Variants in EHBP1 observed in about 807,000 individuals in gnomAD.
EHBP1 encodes the protein EH domain-binding protein 1.
EHBP1 carries 55 observed loss-of-function variants against 144.0 expected under a neutral mutation model. The ratio of observed to expected loss-of-function variants is 0.38; its 90% CI spans 0.31 to 0.48. The LOEUF is 0.48. Among genes scored for constraint, EHBP1 ranks in the 20% least tolerant of loss-of-function variants. The pLI, the probability that EHBP1 is intolerant of heterozygous loss-of-function variation, is 0.98. For missense variants in EHBP1, 1,200 were observed against 1,364.2 expected (o/e 0.88, Z 1.90); for synonymous variants, 469 against 472.7 (o/e 0.99, Z 0.10).
intron 21 of EHBP1, among the ~76,000 whole-genome samples, chr2:63,041,603 TC>T (rs930745956): frequency 2.0e-4 from 31 of 152,316 alleles, no homozygotes; most frequent in Non-Finnish European, 4.3e-4. Context: ...GAGGAGCTTA[TC>T]CCCTAAAACC....
intron 9 of EHBP1, among the ~76,000 whole-genome samples, chr2:62,867,151 T>C (rs1351565657): frequency 6.6e-6 from 1 of 152,146 alleles, no homozygotes; most frequent in Non-Finnish European, 1.5e-5. Flanking sequence ...AAAATCTCTC[T>C]GGTAGATAAT....
upstream of EHBP1, among the ~76,000 whole-genome samples, chr2:62,704,870 C>T (rs2034405149): frequency 6.6e-6 from 1 of 152,212 alleles, no homozygotes; most frequent in African/African-American, 2.4e-5. Flanking sequence ...CCTGCCCTCA[C>T]TCTGCCTCCT....
chr2:62,741,519 A>G (rs2038706006), intron 2 of EHBP1, among the ~76,000 whole-genome samples: 1 of 152,126 alleles, frequency 6.6e-6, no homozygotes, highest in Non-Finnish European at 1.5e-5. Context: ...TTGCTTTTAA[A>G]CTACCAAATA....
At chr2:62,796,217 T>C (rs1280816254) in intron 5 of EHBP1, among the ~76,000 whole-genome samples, 8 of 152,084 alleles carry the variant, frequency 5.3e-5, no homozygotes, top group Non-Finnish European at 1.5e-5. Flanking sequence ...TTCAGTCCTT[T>C]TTACAGAGCT....
At chr2:63,043,813 G>C (rs2061783809) in intron 21 of EHBP1, 1 of 151,174 alleles carries the variant, frequency 6.6e-6, no homozygotes. Context: ...TGATTGCCCA[G>C]GGCAATGGAG....
chr2:62,865,932 A>G (rs1178703580), intron 9 of EHBP1, among the ~76,000 whole-genome samples: 1 of 152,094 alleles, frequency 6.6e-6, no homozygotes, highest in Non-Finnish European at 1.5e-5. Context: ...GAGGAGCACT[A>G]CTCTGTGAGA....
intron 10 of EHBP1, among the ~76,000 whole-genome samples, chr2:62,938,842 CTT>C (rs1299018141): frequency 6.6e-6 from 1 of 151,890 alleles, no homozygotes; most frequent in African/African-American, 2.4e-5. Flanking sequence ...AAGGAAAAAA[CTT>C]TTTATGATCT....
chr2:62,897,514 G>A (rs2053036107), intron 10 of EHBP1, among the ~76,000 whole-genome samples: 2 of 152,134 alleles, frequency 1.3e-5, no homozygotes, highest in South Asian at 4.1e-4. Flanking sequence ...GCCTTCCAAA[G>A]GGGTTGTACC....
At chr2:63,008,547 G>A (rs2060136361) in intron 19 of EHBP1, among the ~76,000 whole-genome samples, 1 of 149,846 alleles carries the variant, frequency 6.7e-6, no homozygotes, top group Admixed American at 6.7e-5. Context: ...AACTTTTAGT[G>A]ATATATAAAT....
chr2:62,736,235 T>C (rs1484632389), intron 2 of EHBP1, among the ~76,000 whole-genome samples: 9 of 147,012 alleles, frequency 6.1e-5, no homozygotes, highest in Non-Finnish European at 1.4e-4. Flanking sequence ...TTTTTTTTTT[T>C]TTTTTTTTTG....
At chr2:62,971,899 A>G (rs1280174422) in intron 14 of EHBP1, among the ~76,000 whole-genome samples, 5 of 152,220 alleles carry the variant, frequency 3.3e-5, no homozygotes, top group Non-Finnish European at 5.9e-5. Context: ...TTTATAACTC[A>G]GTCTAACTCT....
At chr2:62,979,096 G>T in intron 14 of EHBP1, 92 bp from the exon 15 acceptor site, 2 of 1,326,730 alleles carry the variant, frequency 1.5e-6, no homozygotes, top group Non-Finnish European at 2.1e-6. Context: ...CAAGCACCAT[G>T]CTGTAAACCA....
chr2:62,837,975 C>G (rs1318993771), intron 7 of EHBP1, among the ~76,000 whole-genome samples: 3 of 147,526 alleles, frequency 2.0e-5, no homozygotes, highest in Non-Finnish European at 4.5e-5. Context: ...GAACTCAGCT[C>G]TGCACCAAGC....
At chr2:63,010,627 A>G (rs1201911123) in intron 19 of EHBP1, among the ~76,000 whole-genome samples, 1 of 151,726 alleles carries the variant, frequency 6.6e-6, no homozygotes, top group Non-Finnish European at 1.5e-5. Flanking sequence ...TTATTTAGGA[A>G]AATATAACAC....
At chr2:62,830,964 C>A in intron 6 of EHBP1, 55 bp from the exon 7 acceptor site, 1 of 1,551,148 alleles carries the variant, frequency 6.4e-7, no homozygotes, top group South Asian at 1.2e-5. Context: ...AAGAAACCAT[C>A]ATTTTTCTAA....
chr2:62,728,126 C>T (rs1202474255), intron 2 of EHBP1, among the ~76,000 whole-genome samples: 1 of 152,164 alleles, frequency 6.6e-6, no homozygotes, highest in East Asian at 1.9e-4. Flanking sequence ...GCATTCTTTC[C>T]TGAAGTGGGA....
At chr2:63,037,335 A>C (rs184971066) in intron 19 of EHBP1, among the ~76,000 whole-genome samples, 200 bp from the exon 20 acceptor site, 12 of 152,152 alleles carry the variant, frequency 7.9e-5, no homozygotes, top group African/African-American at 2.9e-4. Flanking sequence ...CACGGAGAGT[A>C]AAATATGCAT....
chr2:62,805,195 A>G (rs1317201231), intron 5 of EHBP1, among the ~76,000 whole-genome samples: 1 of 152,228 alleles, frequency 6.6e-6, no homozygotes, highest in African/African-American at 2.4e-5. Context: ...GAAAAATTGA[A>G]AACAACCCAA....
At chr2:63,034,098 CAA>C (rs756440394) in intron 19 of EHBP1, among the ~76,000 whole-genome samples, 24 of 151,810 alleles carry the variant, frequency 1.6e-4, no homozygotes, top group Non-Finnish European at 2.7e-4. Context: ...TTTAAGGAAA[CAA>C]AGTAGGAAAA....
Sources: gnomAD v4.1 joint callset for allele counts (sites outside exome capture counted in the v4.1 genomes callset) on GRCh38, gnomAD v4.1.1 for gene constraint, MANE v1.5 for transcripts, NCBI Gene and HGNC (gene_info 2026-07-23, HGNC 2026-07-21) for gene names.